Variants in FCRL2 observed in about 807,000 individuals in gnomAD.
FCRL2 encodes the protein Fc receptor like 2.
FCRL2 carries 48 observed loss-of-function variants against 59.8 expected under a neutral mutation model. The ratio of observed to expected loss-of-function variants is 0.80; its 90% CI spans 0.64 to 1.02. The LOEUF is 1.02. Among genes scored for constraint, FCRL2 ranks in the 50% least tolerant of loss-of-function variants. The pLI, the probability that FCRL2 is intolerant of heterozygous loss-of-function variation, is 0.00. For missense variants in FCRL2, 658 were observed against 597.3 expected (o/e 1.10, Z -1.06); for synonymous variants, 251 against 229.5 (o/e 1.09, Z -0.85).
At chr1:157,766,691 C>T (rs1571282319) in intron 7 of FCRL2, 164 bp downstream of exon 7, 1 of 1,086,436 alleles carries the variant, frequency 9.2e-7, no homozygotes, top group Non-Finnish European at 1.3e-6. Context: ...AGCAGTATGA[C>T]CACATTGAGC....
At chr1:157,750,337 T>C (rs1023619142) in intron 7 of FCRL2, among the ~76,000 whole-genome samples, 8 of 152,340 alleles carry the variant, frequency 5.3e-5, no homozygotes, top group African/African-American at 1.7e-4. Flanking sequence ...TAGATGTATA[T>C]AGAGGCCACC....
Position 157,767,259 on chromosome 1 carries a change from G to T in FCRL2, c.1134C>A (p.Cys378Ter). 5 of 1,613,966 alleles carry T rather than the reference G, an allele frequency of 3.1e-6. No individual in the cohort carries two copies. The highest frequency in any genetic ancestry group is 4.2e-6 in the Non-Finnish European group (5 of 1,179,874). Residue 378 changes from cysteine to a stop codon, truncating the protein, a stop_gained, in exon 6 of 12, where the codon TGC (cysteine) becomes TGA (stop). Transcript: ENST00000361516. LOFTEE classifies it high-confidence loss of function. ...CEANNGLGAQ[C>*]SEAVPVSISG... is the part of the protein sequence containing the mutation. ...AGATGGAGACTGGCACTGCCTCACT[G>T]CACTGGGCCCCCAGGCCGTTGTTGG...
intron 2 of FCRL2, among the ~76,000 whole-genome samples, chr1:157,774,165 G>A (rs902333058): frequency 5.3e-5 from 8 of 152,266 alleles, no homozygotes; most frequent in Middle Eastern, 3.2e-3. Context: ...CAGTGTATGG[G>A]TGGGGCTGAA....
chr1:157,766,593 T>C, intron 7 of FCRL2: 1 of 493,960 alleles, frequency 2.0e-6, no homozygotes, highest in East Asian at 3.3e-5. Context: ...ATTAGACTTT[T>C]CATTTTAAAA....
In FCRL2 at chr1:157,748,861, G is replaced by T; in HGVS notation, c.1393+14C>A. The T allele has an allele frequency of 6.2e-7, 1 of 1,611,106 alleles. No homozygotes were observed. The highest frequency in any genetic ancestry group is 2.2e-5 in the East Asian group (1 of 44,878). On this transcript the variant is annotated intron_variant, in intron 9 of 11. Coordinates refer to ENST00000361516, the MANE Select transcript of FCRL2 (RefSeq NM_030764.4). ...TGACTCAGCCTCAGAGCCCTTCCCAGTGGAGACACTCACCATTGACATACA... is the reference window on the plus strand; with the variant it reads ...TGACTCAGCCTCAGAGCCCTTCCCATTGGAGACACTCACCATTGACATACA...
At chr1:157,747,461 G>T (rs1248211776) in intron 10 of FCRL2, among the ~76,000 whole-genome samples, 1 of 152,130 alleles carries the variant, frequency 6.6e-6, no homozygotes. Flanking sequence ...TGCACTTTTT[G>T]ATTCTGCTAG....
At position 157,775,439 on chromosome 1, in the gene FCRL2, C is replaced by A. The variant is rs11803145; in HGVS notation, c.52+336G>T. Among the ~76,000 whole-genome samples, 1,118 of 152,324 alleles carry A rather than the reference C, an allele frequency of 7.3e-3. 5 individuals are homozygous for A. Among genetic ancestry groups the A allele is most frequent in the Non-Finnish European group, 0.011 (755 of 68,030 alleles). ...AGCTGTAAAAACATTCAGCATTCAG[C>A]CAGACAATAAAGAGGCATTACAGTC... On this transcript the variant is annotated intron_variant, in intron 2 of 11. Transcript: ENST00000361516.
At chr1:157,767,551 C>T (rs537271575) in intron 5 of FCRL2, 42 bp from the exon 6 acceptor site, 1 of 1,614,228 alleles carries the variant, frequency 6.2e-7, no homozygotes, top group African/African-American at 1.3e-5. Flanking sequence ...TTTGTGATGC[C>T]TCAATAGATT....
At chr1:157,759,347 A>G (rs1648852409) in intron 7 of FCRL2, among the ~76,000 whole-genome samples, 2 of 152,202 alleles carry the variant, frequency 1.3e-5, no homozygotes, top group African/African-American at 4.8e-5. Flanking sequence ...ACAAAACTCT[A>G]GAAGAAAACC....
At chr1:157,766,519 A>G (rs1649509708) in intron 7 of FCRL2, 1 of 315,144 alleles carries the variant, frequency 3.2e-6, no homozygotes, top group Non-Finnish European at 5.7e-6. Context: ...GCTCCTTACT[A>G]CATTTTGCTC....
In FCRL2 at chr1:157,766,860, A is replaced by T; in HGVS notation, c.1274T>A (p.Ile425Lys). ...ATCCAAATGGTAGATACAACCTGAT[A>T]TCTTGTGGAACAAGGCATACAACAG... is the stretch of plus-strand genomic sequence containing the variant. ...ALLLYALFHK[I>K]SGESSATNEP... The change falls in exon 7 of 12, where the codon ATA (isoleucine) becomes AAA (lysine). Residue 425 changes from isoleucine (I) to lysine (K), a missense_variant. By Grantham distance (102) the Ile-to-Lys change is moderately radical (BLOSUM62 -3). Coordinates refer to ENST00000361516, the MANE Select transcript of FCRL2 (RefSeq NM_030764.4). 6.2e-7 allele frequency: 1 copy of T among 1,614,212 alleles called. No individual in the cohort carries two copies. Among genetic ancestry groups the T allele is most frequent in the South Asian group, 1.1e-5 (1 of 91,084 alleles).
At chr1:157,753,023 G>GT (rs1353139467) in intron 7 of FCRL2, among the ~76,000 whole-genome samples, 16 of 152,104 alleles carry the variant, frequency 1.1e-4, no homozygotes, top group Non-Finnish European at 2.2e-4. Flanking sequence ...AGGCATACAA[G>GT]TCACACACAC....
At chr1:157,773,945 G>T (rs1293213158) in intron 2 of FCRL2, among the ~76,000 whole-genome samples, 1 of 152,216 alleles carries the variant, frequency 6.6e-6, no homozygotes, top group Non-Finnish European at 1.5e-5. Flanking sequence ...GTGGTAGGGG[G>T]CAGGGAGAAG....
At chr1:157,773,209 T>G (rs1278194976) in intron 2 of FCRL2, among the ~76,000 whole-genome samples, 4 of 152,352 alleles carry the variant, frequency 2.6e-5, no homozygotes, top group South Asian at 4.1e-4. Flanking sequence ...GGACCTGTGT[T>G]CAGTTACAGT....
At position 157,746,694 on chromosome 1, in the gene FCRL2, C is replaced by A. The variant is rs1304255815; in HGVS notation, c.*42G>T. ...GTTTTATAGCAAGTCTTAATGATGC[C>A]CCATCCTTGCTGTTGATCTTCCCTT... On this transcript the variant is annotated 3_prime_UTR_variant, in exon 12 of 12. Coordinates refer to ENST00000361516, the MANE Select transcript of FCRL2 (RefSeq NM_030764.4). 6.3e-7 allele frequency: 1 copy of A among 1,588,236 alleles called. No individual in the cohort carries two copies. The highest frequency in any genetic ancestry group is 1.1e-5 in the South Asian group (1 of 90,464).
In FCRL2 at chr1:157,767,418, T is replaced by C. The variant is rs1288635256; in HGVS notation, c.975A>G (p.Arg325=). The part of the protein sequence containing the change: ...DLLELHCEAL[R]GSPPILYQFY... ...ATTGGTACAAGATTGGGGGAGAGCC[T>C]CTCAGGGCCTCACAGTGAAGCTCCA... Residue 325 remains arginine, a synonymous_variant, in exon 6 of 12, where the codon AGA becomes AGG. Coordinates refer to ENST00000361516, the MANE Select transcript of FCRL2 (RefSeq NM_030764.4). 2 of 1,614,182 alleles carry C rather than the reference T, an allele frequency of 1.2e-6. No homozygotes were observed. The highest frequency in any genetic ancestry group is 1.7e-6 in the Non-Finnish European group (2 of 1,180,034).
chr1:157,769,019 C>A (rs1213462347), intron 4 of FCRL2: 1 of 216,670 alleles, frequency 4.6e-6, no homozygotes, highest in Non-Finnish European at 9.0e-6. Flanking sequence ...TAGAGGGGCA[C>A]TGATATCTTC....
intron 1 of FCRL2, among the ~76,000 whole-genome samples, chr1:157,776,087 C>G (rs1650386843): frequency 6.6e-6 from 1 of 152,058 alleles, no homozygotes; most frequent in African/African-American, 2.4e-5. Flanking sequence ...TCCACCATCC[C>G]CACCACTCTA....
intron 7 of FCRL2, among the ~76,000 whole-genome samples, chr1:157,765,662 G>A (rs964474411): frequency 2.6e-5 from 4 of 152,184 alleles, no homozygotes; most frequent in East Asian, 1.9e-4. Flanking sequence ...CAGTGTTGTG[G>A]GGTTTGGAGA....
Sources: gnomAD v4.1 joint callset for allele counts (sites outside exome capture counted in the v4.1 genomes callset) on GRCh38, gnomAD v4.1.1 for gene constraint, MANE v1.5 for transcripts, NCBI Gene and HGNC (gene_info 2026-07-23, HGNC 2026-07-21) for gene names.